MYO1D: variants seen among roughly 807,000 people sequenced by gnomAD.
MYO1D encodes the protein myosin ID.
A neutral mutation model predicts 122.0 loss-of-function variants in MYO1D; 83 were observed. The observed-to-expected ratio is 0.68, with a 90% CI of 0.57 to 0.82. MYO1D has a LOEUF of 0.82. MYO1D is among the 40% of genes least tolerant of loss of function. The pLI, the probability that MYO1D is intolerant of heterozygous loss-of-function variation, is 0.00. For missense variants in MYO1D, 1,157 were observed against 1,269.5 expected, an observed-to-expected ratio of 0.91 and a Z score of 1.35; for synonymous variants, 464 against 446.9, an observed-to-expected ratio of 1.04 and a Z score of -0.48.
chr17:32,546,100 C>T (rs2150881326), intron 21 of MYO1D, among the ~76,000 whole-genome samples: 1 of 152,218 alleles, frequency 6.6e-6, no homozygotes, highest in Middle Eastern at 3.4e-3. Context: ...GGGTCGCCTT[C>T]CCTTCACACA....
chr17:32,549,855 T>C (rs1179800363), intron 21 of MYO1D, among the ~76,000 whole-genome samples: 1 of 152,214 alleles, frequency 6.6e-6, no homozygotes, highest in Non-Finnish European at 1.5e-5. Context: ...TGAAAGCCTT[T>C]TGTATCCTCA....
At chr17:32,646,315 G>A (rs1440609458) in intron 19 of MYO1D, among the ~76,000 whole-genome samples, 1 of 152,080 alleles carries the variant, frequency 6.6e-6, no homozygotes, top group Admixed American at 6.6e-5. Flanking sequence ...AGAGTTCATA[G>A]AGAATATCTA....
At chr17:32,617,844 G>C (rs1236855119) in intron 20 of MYO1D, among the ~76,000 whole-genome samples, 1 of 152,070 alleles carries the variant, frequency 6.6e-6, no homozygotes, top group Non-Finnish European at 1.5e-5. Context: ...GGATAACTAA[G>C]AATTAATTCC....
At chr17:32,595,454 T>A (rs1490911407) in intron 21 of MYO1D, among the ~76,000 whole-genome samples, 3 of 152,130 alleles carry the variant, frequency 2.0e-5, no homozygotes, top group Non-Finnish European at 4.4e-5. Flanking sequence ...ATATGTATAA[T>A]CATTGTGTCA....
chr17:32,641,246 C>G (rs1372850534), intron 19 of MYO1D, among the ~76,000 whole-genome samples: 4 of 92,996 alleles, frequency 4.3e-5, no homozygotes, highest in Non-Finnish European at 1.0e-4. Flanking sequence ...TCATCCATGT[C>G]CCTACAAAGG....
intron 11 of MYO1D, among the ~76,000 whole-genome samples, chr17:32,753,625 G>A (rs371280815): frequency 2.3e-4 from 35 of 152,242 alleles, no homozygotes; most frequent in African/African-American, 4.6e-4. Context: ...ATGGCTGGGC[G>A]TGGTGGCTCA....
chr17:32,625,556 A>T (rs2087916387), intron 20 of MYO1D, among the ~76,000 whole-genome samples: 1 of 149,570 alleles, frequency 6.7e-6, no homozygotes, highest in Non-Finnish European at 1.5e-5. Context: ...TTAAAACAGG[A>T]TTTTTTTTTT....
intron 1 of MYO1D, among the ~76,000 whole-genome samples, chr17:32,785,679 TC>T (rs1455590318): frequency 1.3e-5 from 2 of 152,218 alleles, no homozygotes; most frequent in African/African-American, 4.8e-5. Context: ...TGACACTGAC[TC>T]CCATTTCCTC....
At chr17:32,795,724 G>A (rs923553502) in intron 1 of MYO1D, among the ~76,000 whole-genome samples, 4 of 152,166 alleles carry the variant, frequency 2.6e-5, no homozygotes, top group African/African-American at 7.2e-5. Flanking sequence ...AGCAACTTGC[G>A]CCAGCAAGAC....
At chr17:32,522,973 T>C (rs535082840) in intron 21 of MYO1D, among the ~76,000 whole-genome samples, 60 of 152,252 alleles carry the variant, frequency 3.9e-4, no homozygotes, top group East Asian at 1.4e-3. Flanking sequence ...CCTGCCACCA[T>C]GCCCGGCTAG....
In MYO1D at chr17:32,661,721, A is replaced by G. The variant is rs978629537; in HGVS notation, c.2122-2383T>C. On this transcript the variant is annotated intron_variant, in intron 16 of 21. Transcript: ENST00000318217. ...GATTTCTTGGTTGATCCTTTTAGAC[A>G]CTATCCAAATCACACAAGATGGAGA... Among the ~76,000 whole-genome samples, 3 of 151,924 alleles carry G rather than the reference A, an allele frequency of 2.0e-5. No homozygotes were observed. The East Asian group carries it at 5.8e-4, about 29-fold the overall frequency.
chr17:32,634,784 A>G (rs1202327671), intron 20 of MYO1D, among the ~76,000 whole-genome samples: 1 of 152,140 alleles, frequency 6.6e-6, no homozygotes, highest in African/African-American at 2.4e-5. Context: ...GCTGGGAAGA[A>G]TCCAAGGACC....
At chr17:32,846,586 A>C (rs2090939638) in intron 1 of MYO1D, among the ~76,000 whole-genome samples, 1 of 152,250 alleles carries the variant, frequency 6.6e-6, no homozygotes, top group Non-Finnish European at 1.5e-5. Flanking sequence ...AAAGGGAAGC[A>C]GACTGATAAT....
At chr17:32,640,496 C>G (rs1311970544) in intron 19 of MYO1D, among the ~76,000 whole-genome samples, 5 of 120,542 alleles carry the variant, frequency 4.1e-5, no homozygotes, top group Non-Finnish European at 8.3e-5. Flanking sequence ...CCACAACAGT[C>G]CCCAGAGTGT....
intron 12 of MYO1D, among the ~76,000 whole-genome samples, chr17:32,748,558 T>C (rs1236091145): frequency 1.3e-5 from 2 of 152,176 alleles, no homozygotes; most frequent in Admixed American, 6.5e-5. Flanking sequence ...ATAGTGACCT[T>C]TGATGGACGT....
intron 21 of MYO1D, among the ~76,000 whole-genome samples, chr17:32,596,223 A>C (rs1420342783): frequency 6.6e-6 from 1 of 152,202 alleles, no homozygotes; most frequent in Non-Finnish European, 1.5e-5. Flanking sequence ...TTGCTTATGG[A>C]ATATAAACTA....
chr17:32,786,680 A>T (rs113723038), intron 1 of MYO1D, among the ~76,000 whole-genome samples: 1 of 151,956 alleles, frequency 6.6e-6, no homozygotes, highest in African/African-American at 2.4e-5. Context: ...ATTAGCTGGG[A>T]GTGGTGGCGC....
At chr17:32,574,720 A>C (rs1217441182) in intron 21 of MYO1D, among the ~76,000 whole-genome samples, 1 of 152,224 alleles carries the variant, frequency 6.6e-6, no homozygotes, top group African/African-American at 2.4e-5. Flanking sequence ...AAACAAAAGT[A>C]AAGGTACACG....
chr17:32,520,415 C>T (rs748580544), intron 21 of MYO1D, among the ~76,000 whole-genome samples: 3 of 152,200 alleles, frequency 2.0e-5, no homozygotes, highest in African/African-American at 4.8e-5. Context: ...AGGGGTGTGG[C>T]TGGGGAGGTT....
Sources: allele counts gnomAD v4.1 joint callset (sites outside exome capture counted in the v4.1 genomes callset), GRCh38; gene constraint gnomAD v4.1.1; transcripts MANE v1.5; gene names NCBI Gene and HGNC (gene_info 2026-07-23, HGNC 2026-07-21).